ARHGEF16: variants seen among roughly 807,000 people sequenced by gnomAD.
The protein encoded by ARHGEF16 is Rho guanine exchange factor (GEF) 16.
ARHGEF16 carries 59 observed loss-of-function variants against 74.1 expected under a neutral mutation model. The observed-to-expected ratio is 0.80, with a 90% confidence interval of 0.65 to 0.99. The LOEUF is 0.99. ARHGEF16 is among the 50% of genes least tolerant of loss of function. ARHGEF16 has a pLI of 0.00. For missense variants in ARHGEF16, 948 were observed against 986.6 expected, an observed-to-expected ratio of 0.96 and a Z score of 0.52; for synonymous variants, 415 against 412.6, an observed-to-expected ratio of 1.01 and a Z score of -0.07.
chr1:3,455,266 CTGA>C (rs1639240727), intron 1 of ARHGEF16, among the ~76,000 whole-genome samples: 1 of 152,110 alleles, frequency 6.6e-6, no homozygotes, highest in Non-Finnish European at 1.5e-5. Context: ...TTTGGGGAAT[CTGA>C]CACCCAAACC....
intron 12 of ARHGEF16, 94 bp from the exon 13 acceptor site, chr1:3,479,423 G>T: frequency 3.2e-5 from 42 of 1,308,156 alleles, no homozygotes; most frequent in African/African-American, 5.9e-5. Flanking sequence ...CCATCTCCTT[G>T]CCACGGCCCC....
chr1:3,466,827 T>C lies in ARHGEF16; in HGVS notation c.635-341T>C, dbSNP rs533790000. ...CCCCCAGAAGCTTTGTGGACAGGCA[T>C]GGGCCCAGGAGGGGGTACCCAGGTC... On this transcript the variant is annotated intron_variant, in intron 3 of 14. Transcript: ENST00000378378. 2.9e-4 allele frequency: 67 copies of C among 231,560 alleles called. 2 individuals carry two copies. The East Asian group carries it at 6.2e-3, about 22-fold the overall frequency. 14.3% of individuals were successfully genotyped at this position (231,560 alleles called of 1,614,324 possible).
chr1:3,476,091 C>T (rs893741003), intron 10 of ARHGEF16, 29 bp downstream of exon 10: 13 of 1,543,988 alleles, frequency 8.4e-6, no homozygotes, highest in East Asian at 4.9e-5. Flanking sequence ...CAGGGCCACT[C>T]GGACCACTTC....
At chr1:3,470,412 G>A (rs897551630) in intron 6 of ARHGEF16, among the ~76,000 whole-genome samples, 3 of 151,294 alleles carry the variant, frequency 2.0e-5, no homozygotes, top group African/African-American at 7.3e-5. Context: ...GCAGCAGTGT[G>A]TGTGCATGGG....
At chr1:3,473,043 C>T in intron 6 of ARHGEF16, 35 bp from the exon 7 acceptor site, 1 of 1,601,458 alleles carries the variant, frequency 6.2e-7, no homozygotes, top group Non-Finnish European at 8.5e-7. Flanking sequence ...GACCACCAGG[C>T]CCGTGGCACC....
chr1:3,477,410 A>C (rs1267080858), intron 10 of ARHGEF16, among the ~76,000 whole-genome samples: 1 of 46,104 alleles, frequency 2.2e-5, no homozygotes, highest in Non-Finnish European at 4.2e-5. Context: ...GGCAGCAGGG[A>C]GGATGTTCTG....
Position 3,473,061 on chromosome 1 carries a change from C to A in ARHGEF16, c.1023-17C>A. Reference sequence around the variant, plus strand: ...CACCAGGCCCGTGGCACCCTCCTCACCCCTCCTTGCCTTCAGGTTCTTCGA... The same window carrying A: ...CACCAGGCCCGTGGCACCCTCCTCAACCCTCCTTGCCTTCAGGTTCTTCGA... On this transcript the variant is annotated splice_polypyrimidine_tract_variant and intron_variant, in intron 6 of 14. Transcript: ENST00000378378. The A allele has an allele frequency of 1.2e-6, 2 of 1,609,428 alleles. No individual in the cohort carries two copies. The highest frequency in any genetic ancestry group is 1.7e-6 in the Non-Finnish European group (2 of 1,177,994).
chr1:3,459,708 C>G (rs1639348877), intron 1 of ARHGEF16, among the ~76,000 whole-genome samples: 1 of 152,190 alleles, frequency 6.6e-6, no homozygotes, highest in Non-Finnish European at 1.5e-5. Context: ...CCAGAACACT[C>G]AGGGAAAAAT....
chr1:3,478,246 C>A, intron 11 of ARHGEF16, 178 bp from the exon 12 acceptor site: 1 of 913,198 alleles, frequency 1.1e-6, no homozygotes, highest in Non-Finnish European at 1.7e-6. Context: ...CCGGTGATAG[C>A]CACGAGGAGG....
In ARHGEF16 at chr1:3,478,604, G is replaced by C; in HGVS notation, c.1806G>C (p.Ser602=). 6.2e-7 allele frequency: 1 copy of C among 1,609,226 alleles called. No homozygotes were observed. The highest frequency in any genetic ancestry group is 8.5e-7 in the Non-Finnish European group (1 of 1,177,924). ...EGRQEQLLLS[S]DSASDRARWI... ...GCCAGGAGCAGCTCCTGCTCTCCTCGGACTCCGCGTAAGTGGGCTCCCGGG... is the reference window on the plus strand; with the variant it reads ...GCCAGGAGCAGCTCCTGCTCTCCTCCGACTCCGCGTAAGTGGGCTCCCGGG... The change falls in exon 12 of 15, where the codon TCG becomes TCC. Residue 602 remains serine (S), a synonymous_variant. Coordinates refer to ENST00000378378, the MANE Select transcript of ARHGEF16 (RefSeq NM_014448.4).
chr1:3,468,643 T>C (rs1639615657), intron 4 of ARHGEF16: 1 of 552,610 alleles, frequency 1.8e-6, no homozygotes, highest in Non-Finnish European at 3.3e-6. Context: ...CTGGGCTGCT[T>C]TGGGGCTCTG....
At position 3,476,039 on chromosome 1, in the gene ARHGEF16, C is replaced by A; in HGVS notation, c.1450C>A (p.Gln484Lys). 6.4e-7 allele frequency: 1 copy of A among 1,554,910 alleles called. No homozygotes were observed. The highest frequency in any genetic ancestry group is 2.4e-5 in the East Asian group (1 of 41,454). Residue 484 changes from glutamine to lysine, a missense_variant, in exon 10 of 15, where the codon CAG becomes AAG. Coordinates refer to ENST00000378378, the MANE Select transcript of ARHGEF16 (RefSeq NM_014448.4). The stretch of plus-strand genomic sequence containing the variant: ...GGAGCAGATGTACACGCTGCACACA[C>A]AGCTGGACTTCAGCAAGGTCAAGGT... The part of the protein sequence containing the change: ...RMEQMYTLHT[Q>K]LDFSKVKSLP...
At chr1:3,473,277 G>A in intron 7 of ARHGEF16, 47 bp downstream of exon 7, 1 of 1,599,992 alleles carries the variant, frequency 6.3e-7, no homozygotes, top group Non-Finnish European at 8.5e-7. Flanking sequence ...GGAGCATCCT[G>A]CACCCTGGTC....
Position 3,480,462 on chromosome 1 carries a change from G to A in ARHGEF16, c.2005G>A (p.Glu669Lys), listed in dbSNP as rs147222724. Residue 669 changes from glutamate to lysine, a missense_variant, in exon 15 of 15, where the codon GAG becomes AAG. By Grantham distance (56) the Glu-to-Lys change is moderately conservative. Coordinates refer to ENST00000378378, the MANE Select transcript of ARHGEF16 (RefSeq NM_014448.4). ...LQQEDGWLYG[E>K]RLRDGETGWF... ...TCCGGGTTCAGGGTGGCTCTATGGCGAGAGGCTCCGGGACGGAGAGACGGG... is the reference window on the plus strand; with the variant it reads ...TCCGGGTTCAGGGTGGCTCTATGGCAAGAGGCTCCGGGACGGAGAGACGGG... 54 of 1,612,458 alleles carry A rather than the reference G, an allele frequency of 3.3e-5. No individual in the cohort carries two copies. Among genetic ancestry groups the A allele is most frequent in the Non-Finnish European group, 4.4e-5 (52 of 1,179,964 alleles).
intron 3 of ARHGEF16, among the ~76,000 whole-genome samples, chr1:3,466,625 C>T (rs1397331983): frequency 2.0e-5 from 3 of 152,160 alleles, no homozygotes; most frequent in African/African-American, 7.2e-5. Context: ...GCACACTCAG[C>T]CTGCTCGGGG....
intron 1 of ARHGEF16, among the ~76,000 whole-genome samples, chr1:3,461,449 C>G (rs1390752692): frequency 6.6e-6 from 1 of 152,230 alleles, no homozygotes; most frequent in African/African-American, 2.4e-5. Context: ...GAGGCAGCGT[C>G]ACTTGCTCAT....
At position 3,480,727 on chromosome 1, in the gene ARHGEF16, G is replaced by A; in HGVS notation, c.*140G>A. The A allele has an allele frequency of 8.3e-6, 10 of 1,207,114 alleles. No individual in the cohort carries two copies. The highest frequency in any genetic ancestry group is 1.6e-5 in the South Asian group (1 of 64,228). 74.8% of individuals were successfully genotyped at this position (1,207,114 alleles called of 1,614,324 possible). ...CTTCCCAAGAGCCTGTGGCTGTGGT[G>A]CCGGGCTCCAGACACTTCACGGAAG... On this transcript the variant is annotated 3_prime_UTR_variant, in exon 15 of 15. Coordinates refer to ENST00000378378, the MANE Select transcript of ARHGEF16 (RefSeq NM_014448.4).
Position 3,478,588 on chromosome 1 carries a change from A to G in ARHGEF16, c.1790A>G (p.Gln597Arg), listed in dbSNP as rs1639963488. The change falls in exon 12 of 15, where the codon CAG becomes CGG. Residue 597 changes from glutamine to arginine, a missense_variant. Physicochemically the swap from Gln to Arg is conservative, Grantham distance 43. Coordinates refer to ENST00000378378, the MANE Select transcript of ARHGEF16 (RefSeq NM_014448.4). ...CGCAACAGCGAGGGCCGCCAGGAGC[A>G]GCTCCTGCTCTCCTCGGACTCCGCG... Reference protein sequence around the residue: ...LLRNSEGRQEQLLLSSDSASD... With the variant: ...LLRNSEGRQERLLLSSDSASD... 11 of 1,611,888 alleles carry G rather than the reference A, an allele frequency of 6.8e-6. No homozygotes were observed. Among genetic ancestry groups the G allele is most frequent in the Middle Eastern group, 1.7e-4 (1 of 6,046 alleles).
chr1:3,456,695 C>T (rs1028040880), intron 1 of ARHGEF16, among the ~76,000 whole-genome samples: 2 of 152,238 alleles, frequency 1.3e-5, no homozygotes, highest in African/African-American at 2.4e-5. Flanking sequence ...GTCTGTCCTA[C>T]AGCGGGTGAA....
Sources: gnomAD v4.1 joint callset for allele counts (sites outside exome capture counted in the v4.1 genomes callset) on GRCh38, gnomAD v4.1.1 for gene constraint, MANE v1.5 for transcripts, NCBI Gene and HGNC (gene_info 2026-07-23, HGNC 2026-07-21) for gene names.